The following SLC24A2 variants were observed in gnomAD, a reference collection of about 807,000 sequenced individuals.
SLC24A2 encodes the protein sodium/potassium/calcium exchanger 2.
SLC24A2 carries 36 observed loss-of-function variants against 62.0 expected under a neutral mutation model. That is an observed-to-expected ratio of 0.58 (90% CI 0.44 to 0.77). The LOEUF is 0.77. Ranked by LOEUF, SLC24A2 falls within the 30% of genes least tolerant of loss-of-function variation. SLC24A2 has a pLI of 0.00. For synonymous variants in SLC24A2, 358 were observed against 294.0 expected, an observed-to-expected ratio of 1.22 and a Z score of -2.23; for missense variants, 846 against 817.9, an observed-to-expected ratio of 1.03 and a Z score of -0.42.
At chr9:19,789,051 C>G (rs1465506925), upstream of SLC24A2, 1 of 679,672 alleles carries the variant, frequency 1.5e-6, no homozygotes, top group East Asian at 1.3e-4. Context: ...CCGCTGTGAG[C>G]CCGGCGCTCC....
intron 3 of SLC24A2, among the ~76,000 whole-genome samples, chr9:19,620,529 T>A (rs368071322): frequency 1.3e-5 from 2 of 152,230 alleles, no homozygotes; most frequent in African/African-American, 4.8e-5. Flanking sequence ...TAAAAGGAAC[T>A]GGTACGTGAC....
the SLC24A2 span, among the ~76,000 whole-genome samples, chr9:20,274,479 G>A: frequency 6.6e-6 from 1 of 152,156 alleles, no homozygotes; most frequent in Admixed American, 6.5e-5. Flanking sequence ...CTGCTGGATT[G>A]AGAATTAACT....
At chr9:19,530,618 A>G (rs1245416586) in intron 8 of SLC24A2, among the ~76,000 whole-genome samples, 1 of 152,232 alleles carries the variant, frequency 6.6e-6, no homozygotes, top group Non-Finnish European at 1.5e-5. Context: ...GGTATAAAGC[A>G]AGGTATCAGA....
At chr9:19,634,370 A>C (rs10119018) in intron 2 of SLC24A2, among the ~76,000 whole-genome samples, 111,505 of 149,282 alleles carry the variant, frequency 0.75, 41,705 homozygotes, top group East Asian at 0.88. Flanking sequence ...CTCAATGCAA[A>C]CTCCACCTCC....
the SLC24A2 span, among the ~76,000 whole-genome samples, chr9:19,899,869 T>A: frequency 6.6e-6 from 1 of 152,134 alleles, no homozygotes; most frequent in African/African-American, 2.4e-5. Flanking sequence ...TTAAAGTAAC[T>A]GCCCCCATGA....
At chr9:19,780,749 T>C (rs574860627) in intron 2 of SLC24A2, among the ~76,000 whole-genome samples, 74 of 151,684 alleles carry the variant, frequency 4.9e-4, no homozygotes, top group Admixed American at 4.1e-3. Context: ...GGCAGGCACC[T>C]GTAGTCTCAG....
At chr9:19,889,561 G>C in the SLC24A2 span, among the ~76,000 whole-genome samples, 10 of 152,120 alleles carry the variant, frequency 6.6e-5, no homozygotes, top group African/African-American at 2.4e-4. Context: ...AGGGGTGAGG[G>C]ATGGGGTCCC....
chr9:19,712,423 T>C (rs1448778323), intron 2 of SLC24A2, among the ~76,000 whole-genome samples: 1 of 152,136 alleles, frequency 6.6e-6, no homozygotes, highest in East Asian at 1.9e-4. Context: ...TAAACACATA[T>C]GTGAAATCCT....
chr9:19,619,844 C>T lies in SLC24A2; in HGVS notation c.970-152G>A, dbSNP rs1817867426. ...ATTTTCAAAGCACATTTCAAAGCCC[C>T]TGAGGGAATGGCTCTCTCACATTCT... is the stretch of plus-strand genomic sequence containing the variant. On this transcript the variant is annotated intron_variant, in intron 3 of 10. Transcript: ENST00000341998. 4.3e-6 allele frequency: 3 copies of T among 696,334 alleles called. No individual in the cohort carries two copies. In the East Asian group the frequency reaches 8.1e-5, roughly 19 times the overall value. 43.1% of individuals were successfully genotyped at this position (696,334 alleles called of 1,614,324 possible).
the SLC24A2 span, among the ~76,000 whole-genome samples, chr9:20,044,051 G>A: frequency 6.6e-6 from 1 of 151,972 alleles, no homozygotes; most frequent in South Asian, 2.1e-4. Flanking sequence ...AGCCATCAAC[G>A]TCAAGACAAG....
At chr9:19,545,431 G>A (rs1486668180) in intron 8 of SLC24A2, among the ~76,000 whole-genome samples, 3 of 151,854 alleles carry the variant, frequency 2.0e-5, no homozygotes, top group Non-Finnish European at 2.9e-5. Context: ...TACTTCTGTC[G>A]AGTCATGAAA....
At chr9:19,840,371 A>G in the SLC24A2 span, among the ~76,000 whole-genome samples, 2 of 150,578 alleles carry the variant, frequency 1.3e-5, no homozygotes, top group African/African-American at 4.9e-5. Flanking sequence ...TAGAAAACCC[A>G]CACTAAAAAT....
At chr9:20,026,223 A>G in the SLC24A2 span, among the ~76,000 whole-genome samples, 1 of 152,334 alleles carries the variant, frequency 6.6e-6, no homozygotes, top group Non-Finnish European at 1.5e-5. Context: ...AAAATAGGGA[A>G]TGGTGCTGAT....
chr9:19,917,596 C>T, the SLC24A2 span, among the ~76,000 whole-genome samples: 1 of 151,660 alleles, frequency 6.6e-6, no homozygotes, highest in African/African-American at 2.4e-5. Flanking sequence ...ATAAGCTTAT[C>T]CCTCGGGTTT....
chr9:19,833,291 G>C, the SLC24A2 span, among the ~76,000 whole-genome samples: 2 of 152,178 alleles, frequency 1.3e-5, no homozygotes, highest in Non-Finnish European at 2.9e-5. Flanking sequence ...TACCTCACAC[G>C]TGACGTGCAA....
chr9:19,725,785 G>A (rs1254842457), intron 2 of SLC24A2, among the ~76,000 whole-genome samples: 1 of 152,110 alleles, frequency 6.6e-6, no homozygotes, highest in Non-Finnish European at 1.5e-5. Context: ...ACACTGAATG[G>A]AAGTAATATG....
the SLC24A2 span, among the ~76,000 whole-genome samples, chr9:20,168,769 A>G: frequency 5.1e-4 from 77 of 152,176 alleles, 1 homozygote; most frequent in African/African-American, 1.8e-3. Context: ...ATGTAAAATG[A>G]TGCAGCCACT....
the SLC24A2 span, among the ~76,000 whole-genome samples, chr9:20,240,728 G>A: frequency 1.3e-5 from 2 of 152,154 alleles, no homozygotes; most frequent in Non-Finnish European, 2.9e-5. Flanking sequence ...TAAGGCTAGA[G>A]AAGTACTGCA....
At chr9:19,835,921 C>T in the SLC24A2 span, among the ~76,000 whole-genome samples, 1 of 152,180 alleles carries the variant, frequency 6.6e-6, no homozygotes, top group African/African-American at 2.4e-5. Context: ...GATTAAGAAA[C>T]TCATTCAAAA....
Sources: gnomAD v4.1 joint callset for allele counts (sites outside exome capture counted in the v4.1 genomes callset) on GRCh38, gnomAD v4.1.1 for gene constraint, MANE v1.5 for transcripts, NCBI Gene and HGNC (gene_info 2026-07-23, HGNC 2026-07-21) for gene names.